CEP112: variants seen among roughly 807,000 people sequenced by gnomAD.
CEP112 encodes the protein centrosomal protein of 112 kDa.
CEP112 carries 127 observed loss-of-function variants against 153.0 expected under a neutral mutation model. That is an observed-to-expected ratio of 0.83 (90% CI 0.72 to 0.96). The LOEUF is 0.96. CEP112 is among the 40% of genes least tolerant of loss of function. The pLI is 0.00. For missense variants in CEP112, 1,089 were observed against 1,101.2 expected (o/e 0.99, Z 0.16); for synonymous variants, 358 against 374.4 (o/e 0.96, Z 0.51).
chr17:65,703,814 C>CA lies in CEP112; in HGVS notation c.2608-14597dup, dbSNP rs5821580. Among the ~76,000 whole-genome samples, 88 of 143,970 alleles carry CA rather than the reference C, an allele frequency of 6.1e-4. 2 individuals are homozygous for CA. Among genetic ancestry groups the CA allele is most frequent in the Admixed American group, 2.7e-3 (39 of 14,386 alleles). 94.4% of individuals were successfully genotyped at this position (143,970 alleles called of 152,430 possible). ...CTTTAATCTAACAAATTAAAATGTA[C>CA]AAAAAAAAAAACCCAGAAAAACAAG... On this transcript the variant is annotated intron_variant, in intron 23 of 26. Coordinates refer to ENST00000535342, the MANE Select transcript of CEP112 (RefSeq NM_001199165.4).
At chr17:65,936,259 A>G (rs1219567385) in intron 18 of CEP112, among the ~76,000 whole-genome samples, 1 of 152,192 alleles carries the variant, frequency 6.6e-6, no homozygotes, top group Admixed American at 6.5e-5. Context: ...AAACTTCTCA[A>G]CAAAGAGAAG....
chr17:65,657,722 A>T (rs1161134737), intron 24 of CEP112, among the ~76,000 whole-genome samples: 4 of 152,220 alleles, frequency 2.6e-5, no homozygotes, highest in African/African-American at 9.6e-5. Flanking sequence ...CTTGAGGTTT[A>T]TAACTGACTT....
chr17:65,799,214 C>T (rs1170487534), intron 21 of CEP112, among the ~76,000 whole-genome samples: 1 of 152,098 alleles, frequency 6.6e-6, no homozygotes, highest in Non-Finnish European at 1.5e-5. Flanking sequence ...TCTTTCCCCT[C>T]CAATTCTGAA....
chr17:65,854,568 A>T (rs2146333344), intron 20 of CEP112, among the ~76,000 whole-genome samples: 1 of 152,306 alleles, frequency 6.6e-6, no homozygotes, highest in African/African-American at 2.4e-5. Context: ...AGGTGATAGG[A>T]TGTCCCATTT....
intron 24 of CEP112, among the ~76,000 whole-genome samples, chr17:65,650,167 C>G (rs2045668944): frequency 6.6e-6 from 1 of 152,152 alleles, no homozygotes; most frequent in South Asian, 2.1e-4. Flanking sequence ...ATTCTTCTTT[C>G]TTGTTGTGTG....
chr17:65,896,785 A>G (rs942580169), intron 20 of CEP112, among the ~76,000 whole-genome samples: 1 of 152,128 alleles, frequency 6.6e-6, no homozygotes, highest in African/African-American at 2.4e-5. Context: ...TATTTTGAAT[A>G]TATACAGAAA....
At chr17:65,883,327 GTA>G (rs1051749709) in intron 20 of CEP112, among the ~76,000 whole-genome samples, 4 of 150,466 alleles carry the variant, frequency 2.7e-5, no homozygotes, top group African/African-American at 9.8e-5. Context: ...TATATACTTC[GTA>G]TATATATGAT....
intron 6 of CEP112, among the ~76,000 whole-genome samples, chr17:66,109,113 T>C (rs746579970): frequency 1.3e-5 from 2 of 152,004 alleles, no homozygotes; most frequent in Non-Finnish European, 2.9e-5. Flanking sequence ...TTCACAGAGG[T>C]TGGGAAGGAT....
intron 20 of CEP112, among the ~76,000 whole-genome samples, chr17:65,859,737 G>A (rs1386832218): frequency 1.3e-5 from 2 of 150,744 alleles, no homozygotes; most frequent in Middle Eastern, 3.2e-3. Flanking sequence ...GGCCAGGTGC[G>A]GTGGCTCATG....
intron 19 of CEP112, 117 bp from the exon 20 acceptor site, chr17:65,902,451 C>G (rs1003951950): frequency 7.3e-6 from 5 of 683,422 alleles, no homozygotes; most frequent in African/African-American, 1.9e-5. Context: ...ATTTTTACAT[C>G]ATTATTACCT....
chr17:65,916,018 T>C (rs550415907), intron 19 of CEP112, among the ~76,000 whole-genome samples: 67 of 152,280 alleles, frequency 4.4e-4, no homozygotes, highest in South Asian at 2.1e-4. Context: ...TGGAATGTTC[T>C]TTCCTTACCT....
intron 21 of CEP112, among the ~76,000 whole-genome samples, chr17:65,841,274 G>A (rs1210830696): frequency 2.6e-5 from 4 of 151,924 alleles, no homozygotes; most frequent in Non-Finnish European, 5.9e-5. Context: ...AAGGGGTGGA[G>A]AAAGAAAATG....
intron 20 of CEP112, among the ~76,000 whole-genome samples, chr17:65,882,281 T>G (rs1351206487): frequency 6.6e-6 from 1 of 152,216 alleles, no homozygotes; most frequent in Admixed American, 6.5e-5. Flanking sequence ...TAATTTTATA[T>G]GTATGCTTCT....
At chr17:65,644,153 G>A (rs2045305249) in intron 24 of CEP112, among the ~76,000 whole-genome samples, 1 of 152,170 alleles carries the variant, frequency 6.6e-6, no homozygotes, top group African/African-American at 2.4e-5. Context: ...CAGCCTTCAC[G>A]AACAATTCAA....
intron 23 of CEP112, among the ~76,000 whole-genome samples, chr17:65,710,008 G>A (rs990394596): frequency 2.6e-5 from 4 of 152,166 alleles, no homozygotes; most frequent in African/African-American, 7.2e-5. Flanking sequence ...CTGAGAGCCA[G>A]CAGCGTTGTA....
chr17:66,077,000 AGGG>A (rs1204145974), intron 8 of CEP112, among the ~76,000 whole-genome samples: 1 of 152,178 alleles, frequency 6.6e-6, no homozygotes, highest in Non-Finnish European at 1.5e-5. Flanking sequence ...CCGTAGGAAA[AGGG>A]GGAGAATACT....
chr17:65,987,614 T>C (rs1439418574), intron 17 of CEP112, among the ~76,000 whole-genome samples: 1 of 152,164 alleles, frequency 6.6e-6, no homozygotes, highest in Non-Finnish European at 1.5e-5. Context: ...GAAGCTGGCT[T>C]CACTCTCCCA....
intron 8 of CEP112, among the ~76,000 whole-genome samples, chr17:66,073,833 AC>A (rs1377778111): frequency 1.3e-5 from 2 of 152,186 alleles, no homozygotes; most frequent in East Asian, 1.9e-4. Context: ...AACAACAACA[AC>A]AAAAAAATTC....
chr17:65,987,639 A>C (rs894446479), intron 17 of CEP112, among the ~76,000 whole-genome samples: 5 of 152,180 alleles, frequency 3.3e-5, no homozygotes, highest in African/African-American at 1.2e-4. Flanking sequence ...GAAAACCAAA[A>C]ACAAACAGAC....
Sources: gnomAD v4.1 joint callset for allele counts (sites outside exome capture counted in the v4.1 genomes callset) on GRCh38, gnomAD v4.1.1 for gene constraint, MANE v1.5 for transcripts, NCBI Gene and HGNC (gene_info 2026-07-23, HGNC 2026-07-21) for gene names.